TTC28: variants seen among roughly 807,000 people sequenced by gnomAD.
The protein encoded by TTC28 is tetratricopeptide repeat domain 28.
Under a neutral mutation model 198.0 loss-of-function variants are expected in TTC28, and 61 were observed. The ratio of observed to expected loss-of-function variants is 0.31; its 90% CI spans 0.25 to 0.38. TTC28 has a LOEUF of 0.38. Ranked by LOEUF, TTC28 falls within the 10% of genes least tolerant of loss-of-function variation. The pLI is 1.00. For synonymous variants in TTC28, 1,171 were observed against 1,297.8 expected, an observed-to-expected ratio of 0.90 and a Z score of 2.10; for missense variants, 2,678 against 3,164.0, an observed-to-expected ratio of 0.85 and a Z score of 3.69.
chr22:28,402,523 C>G (rs2046931905), intron 2 of TTC28, among the ~76,000 whole-genome samples: 1 of 152,192 alleles, frequency 6.6e-6, no homozygotes, highest in South Asian at 2.1e-4. Flanking sequence ...TTCTGGACTT[C>G]TATACCTTAA....
chr22:28,087,610 G>T lies in TTC28; in HGVS notation c.3932+6470C>A, dbSNP rs557607851. Among the ~76,000 whole-genome samples, 21 of 152,264 alleles carry T rather than the reference G, an allele frequency of 1.4e-4. 1 individual carries two copies. In the East Asian group the frequency reaches 4.0e-3, roughly 29 times the overall value. Reference sequence around the variant, plus strand: ...CCTTTGAAAACTGGCACAAGACAGGGATGCCCTCTCTCACCACTCCTATTC... The same window carrying T: ...CCTTTGAAAACTGGCACAAGACAGGTATGCCCTCTCTCACCACTCCTATTC... On this transcript the variant is annotated intron_variant, in intron 12 of 22. Coordinates refer to ENST00000397906, the MANE Select transcript of TTC28 (RefSeq NM_001145418.2).
chr22:28,173,388 A>C (rs1922868478), intron 5 of TTC28, among the ~76,000 whole-genome samples: 1 of 152,144 alleles, frequency 6.6e-6, no homozygotes, highest in Non-Finnish European at 1.5e-5. Flanking sequence ...TTGTATATTA[A>C]TCTCTTTGAG....
chr22:28,342,504 C>T (rs1208038586), intron 2 of TTC28, among the ~76,000 whole-genome samples: 1 of 152,086 alleles, frequency 6.6e-6, no homozygotes, highest in Non-Finnish European at 1.5e-5. Flanking sequence ...TTTCACAAAA[C>T]TTGAAATTCA....
intron 6 of TTC28, among the ~76,000 whole-genome samples, chr22:28,123,710 C>T (rs1408129833): frequency 1.3e-5 from 2 of 151,992 alleles, no homozygotes; most frequent in Admixed American, 1.3e-4. Context: ...TGACTGGGGG[C>T]GGTGGCTTAT....
intron 2 of TTC28, among the ~76,000 whole-genome samples, chr22:28,573,844 C>G (rs1156938816): frequency 5.3e-5 from 8 of 151,778 alleles, no homozygotes; most frequent in Non-Finnish European, 1.0e-4. Flanking sequence ...CACTTCCCCC[C>G]ACCCCCACTA....
At chr22:28,615,261 C>T (rs1363895112) in intron 2 of TTC28, among the ~76,000 whole-genome samples, 1 of 152,152 alleles carries the variant, frequency 6.6e-6, no homozygotes, top group Non-Finnish European at 1.5e-5. Context: ...TACCATCTCA[C>T]ACAAGTTAGA....
intron 5 of TTC28, among the ~76,000 whole-genome samples, chr22:28,194,620 G>A (rs1384062023): frequency 6.6e-6 from 1 of 151,916 alleles, no homozygotes; most frequent in Non-Finnish European, 1.5e-5. Context: ...CGATCCCACA[G>A]AAATACAAAC....
chr22:28,276,037 A>G (rs1306467861), intron 5 of TTC28, among the ~76,000 whole-genome samples: 1 of 151,902 alleles, frequency 6.6e-6, no homozygotes, highest in Admixed American at 6.6e-5. Context: ...TTTTTTAGAA[A>G]GGGCCTCACT....
At chr22:28,510,695 A>G (rs748471426) in intron 2 of TTC28, among the ~76,000 whole-genome samples, 1 of 152,192 alleles carries the variant, frequency 6.6e-6, no homozygotes, top group Non-Finnish European at 1.5e-5. Context: ...ATATTCAAAT[A>G]GGAAGAGAAG....
At chr22:28,429,353 GAA>G (rs1344784312) in intron 2 of TTC28, among the ~76,000 whole-genome samples, 1 of 152,110 alleles carries the variant, frequency 6.6e-6, no homozygotes, top group Non-Finnish European at 1.5e-5. Flanking sequence ...CTCAAACACA[GAA>G]AAGTGTCTTC....
At chr22:28,307,909 TA>T (rs1163746850) in intron 2 of TTC28, among the ~76,000 whole-genome samples, 2 of 152,158 alleles carry the variant, frequency 1.3e-5, no homozygotes, top group Non-Finnish European at 1.5e-5. Flanking sequence ...TTAAAAATTT[TA>T]TATTACAAAT....
chr22:28,460,664 TAGAC>T (rs904319318), intron 2 of TTC28, among the ~76,000 whole-genome samples: 19 of 108,020 alleles, frequency 1.8e-4, no homozygotes, highest in East Asian at 1.2e-3. Context: ...GATAGATAGA[TAGAC>T]AGACAGACAG....
At chr22:28,624,983 CAGCT>C (rs1246388192) in intron 2 of TTC28, among the ~76,000 whole-genome samples, 2 of 152,060 alleles carry the variant, frequency 1.3e-5, no homozygotes, top group Admixed American at 1.3e-4. Context: ...ACCATATTAA[CAGCT>C]AGCTAAAAAA....
chr22:28,297,541 G>C, intron 4 of TTC28, 39 bp downstream of exon 4: 1 of 1,531,374 alleles, frequency 6.5e-7, no homozygotes. Flanking sequence ...AGCTTTCTTT[G>C]TTCCCTTTCT....
rs78625003 is a variant in TTC28, at chr22:28,154,340, C to A, written c.1441+8752G>T. ...ATGGCCATTTTTTTTTTTTTCTTTT[C>A]TTTTCTTTTCTTTTTCTTTTTTTTT... On this transcript the variant is annotated intron_variant, in intron 6 of 22. Coordinates refer to ENST00000397906, the MANE Select transcript of TTC28 (RefSeq NM_001145418.2). Among the ~76,000 whole-genome samples the A allele has an allele frequency of 1.3e-4, 17 of 135,014 alleles. 1 individual carries two copies. The highest frequency in any genetic ancestry group is 4.4e-4 in the African/African-American group (16 of 36,438). 88.6% of individuals were successfully genotyped at this position (135,014 alleles called of 152,430 possible).
At chr22:28,095,337 TA>T (rs1941940374) in intron 11 of TTC28, among the ~76,000 whole-genome samples, 1 of 149,054 alleles carries the variant, frequency 6.7e-6, no homozygotes, top group South Asian at 2.1e-4. Flanking sequence ...GCTCAGAGCC[TA>T]AAAGCATCTG....
chr22:28,576,368 T>C lies in TTC28; in HGVS notation c.381+53184A>G, dbSNP rs537233038. Among the ~76,000 whole-genome samples the C allele has an allele frequency of 3.9e-5, 6 of 152,244 alleles. No homozygotes were observed. The South Asian group carries it at 1.2e-3, about 32-fold the overall frequency. ...TCATAATGATCTTTTTAATGTGTTG[T>C]TGCATTCGGTTTGCAAGTATTTGGG... On this transcript the variant is annotated intron_variant, in intron 2 of 22. Coordinates refer to ENST00000397906, the MANE Select transcript of TTC28 (RefSeq NM_001145418.2).
chr22:28,600,851 T>G (rs2050629080), intron 2 of TTC28, among the ~76,000 whole-genome samples: 1 of 152,214 alleles, frequency 6.6e-6, no homozygotes, highest in African/African-American at 2.4e-5. Context: ...TCTTCCTGCA[T>G]GTACTTAAGG....
chr22:28,643,076 C>T (rs1056466765), intron 1 of TTC28: 1 of 152,212 alleles, frequency 6.6e-6, no homozygotes. Flanking sequence ...GACCTGTTTT[C>T]TTTCTGACCT....
Sources: gnomAD v4.1 joint callset for allele counts (sites outside exome capture counted in the v4.1 genomes callset) on GRCh38, gnomAD v4.1.1 for gene constraint, MANE v1.5 for transcripts, NCBI Gene and HGNC (gene_info 2026-07-23, HGNC 2026-07-21) for gene names.